Variants in PNPT1 observed in about 807,000 individuals in gnomAD.
The protein encoded by PNPT1 is polyribonucleotide nucleotidyltransferase 1, mitochondrial.
A neutral mutation model predicts 119.5 loss-of-function variants in PNPT1; 53 were observed. That is an observed-to-expected ratio of 0.44 (90% CI 0.36 to 0.56). PNPT1 has a LOEUF of 0.56. PNPT1 is among the 20% of genes least tolerant of loss of function. The pLI, the probability that PNPT1 is intolerant of heterozygous loss-of-function variation, is 0.00. For missense variants in PNPT1, 948 were observed against 938.5 expected, an observed-to-expected ratio of 1.01 and a Z score of -0.13; for synonymous variants, 357 against 322.1, an observed-to-expected ratio of 1.11 and a Z score of -1.16.
At chr2:55,644,002 C>G (rs144462191) in intron 23 of PNPT1, among the ~76,000 whole-genome samples, 1 of 152,248 alleles carries the variant, frequency 6.6e-6, no homozygotes, top group East Asian at 1.9e-4. Context: ...TCAAATATAT[C>G]TATACAAATT....
intron 11 of PNPT1, among the ~76,000 whole-genome samples, chr2:55,670,066 T>G (rs1696861397): frequency 6.6e-6 from 1 of 150,420 alleles, no homozygotes; most frequent in African/African-American, 2.4e-5. Flanking sequence ...GCCAGTTTTT[T>G]ATCTTAAAAT....
intron 26 of PNPT1, among the ~76,000 whole-genome samples, chr2:55,639,988 A>C (rs1005421096): frequency 2.6e-5 from 4 of 152,222 alleles, no homozygotes; most frequent in Non-Finnish European, 4.4e-5. Context: ...AATTTATTAA[A>C]TAATCTTTAT....
chr2:55,667,097 T>A lies in PNPT1; in HGVS notation c.1074-4A>T, dbSNP rs146742085. The A allele has an allele frequency of 9.7e-4, 1,553 of 1,605,358 alleles. 5 individuals are homozygous for A. The African/African-American group carries it at 0.011, about 12-fold the overall frequency. Reference sequence around the variant, plus strand: ...AGTCAAATCCCGACCATCGCACCTATAGTGATATAGGAAATAAGTACATTA... The same window carrying A: ...AGTCAAATCCCGACCATCGCACCTAAAGTGATATAGGAAATAAGTACATTA... On this transcript the variant is annotated splice_region_variant and splice_polypyrimidine_tract_variant and intron_variant, in intron 12 of 27. Transcript: ENST00000447944.
intron 13 of PNPT1, among the ~76,000 whole-genome samples, chr2:55,665,451 G>A (rs2104102318): frequency 6.6e-6 from 1 of 152,072 alleles, no homozygotes; most frequent in African/African-American, 2.4e-5. Flanking sequence ...AAATAAAGAA[G>A]GAGACATATA....
intron 1 of PNPT1, among the ~76,000 whole-genome samples, chr2:55,689,561 A>G (rs933520471): frequency 2.6e-5 from 4 of 152,232 alleles, no homozygotes; most frequent in African/African-American, 7.2e-5. Context: ...ATGTCACAAC[A>G]TGGATAAACC....
In PNPT1 at chr2:55,640,608, A is replaced by G. The variant is rs772789040; in HGVS notation, c.2148+19T>C. On this transcript the variant is annotated intron_variant, in intron 26 of 27. Transcript: ENST00000447944. ...CAAGGCAGTTATAAAAATAATAACA[A>G]TAACATCTGTCTTTTTACCTTTCGT... 2 of 1,540,410 alleles carry G rather than the reference A, an allele frequency of 1.3e-6. No individual in the cohort carries two copies. The highest frequency in any genetic ancestry group is 2.2e-5 in the East Asian group (1 of 44,464).
At chr2:55,674,904 T>G (rs1697018694) in intron 8 of PNPT1, among the ~76,000 whole-genome samples, 1 of 152,224 alleles carries the variant, frequency 6.6e-6, no homozygotes, top group Non-Finnish European at 1.5e-5. Flanking sequence ...ACAGGATTAA[T>G]CCGGAGATTT....
chr2:55,637,449 A>G, intron 27 of PNPT1, 103 bp downstream of exon 27: 1 of 1,083,372 alleles, frequency 9.2e-7, no homozygotes, highest in Non-Finnish European at 1.4e-6. Flanking sequence ...ATACAAATAA[A>G]AAACTTCATA....
intron 25 of PNPT1, among the ~76,000 whole-genome samples, chr2:55,642,605 CAAAAAAAAAA>C (rs559417017): frequency 2.3e-5 from 1 of 44,224 alleles, no homozygotes; most frequent in Admixed American, 3.1e-4. Context: ...GACTCTGTCC[CAAAAAAAAAA>C]AAAAAAAAAA....
At chr2:55,677,738 T>G (rs1697122183) in intron 8 of PNPT1, among the ~76,000 whole-genome samples, 1 of 151,870 alleles carries the variant, frequency 6.6e-6, no homozygotes, top group South Asian at 2.1e-4. Flanking sequence ...CTTTTTTGTT[T>G]GTTTGCTTGT....
chr2:55,640,833 GA>G (rs1695812281), intron 25 of PNPT1, 128 bp from the exon 26 acceptor site: 4 of 614,312 alleles, frequency 6.5e-6, no homozygotes, highest in Non-Finnish European at 1.1e-5. Context: ...CACGTTTTTA[GA>G]ACTATAAAAA....
Position 55,677,014 on chromosome 2 carries a change from G to A in PNPT1, c.679+2668C>T, listed in dbSNP as rs553838652. Among the ~76,000 whole-genome samples, 4 of 152,302 alleles carry A rather than the reference G, an allele frequency of 2.6e-5. No individual in the cohort carries two copies. In the East Asian group the frequency reaches 7.7e-4, roughly 29 times the overall value. ...TGTTAACTTTAACAGGTAAACAAGG[G>A]GTTAAAATGCATATTTGATGCATCT... On this transcript the variant is annotated intron_variant, in intron 8 of 27. Coordinates refer to ENST00000447944, the MANE Select transcript of PNPT1 (RefSeq NM_033109.5).
intron 21 of PNPT1, 30 bp from the exon 22 acceptor site, chr2:55,645,462 T>G (rs1319288589): frequency 4.3e-6 from 6 of 1,390,740 alleles, no homozygotes; most frequent in South Asian, 1.2e-5. Flanking sequence ...AAATTATAAC[T>G]ACATAAAACA....
intron 1 of PNPT1, among the ~76,000 whole-genome samples, chr2:55,692,715 G>A (rs1697655326): frequency 6.6e-6 from 1 of 152,124 alleles, no homozygotes; most frequent in Non-Finnish European, 1.5e-5. Context: ...AGATTGCGAG[G>A]ATCATATAAC....
chr2:55,660,008 G>T, intron 15 of PNPT1, 149 bp downstream of exon 15: 3 of 643,876 alleles, frequency 4.7e-6, no homozygotes, highest in South Asian at 3.8e-5. Context: ...GGAGGCTGAG[G>T]CGGGAGGATG....
chr2:55,676,465 A>G (rs1697075698), intron 8 of PNPT1, among the ~76,000 whole-genome samples: 1 of 152,178 alleles, frequency 6.6e-6, no homozygotes, highest in Non-Finnish European at 1.5e-5. Flanking sequence ...ACCAGTTGAA[A>G]ACAAACATCT....
intron 15 of PNPT1, among the ~76,000 whole-genome samples, chr2:55,658,443 G>A (rs1400452408): frequency 1.3e-5 from 2 of 152,122 alleles, no homozygotes; most frequent in African/African-American, 4.8e-5. Context: ...TAAATTTCCT[G>A]ACTTGGGTGG....
chr2:55,670,621 G>T (rs977142060), intron 11 of PNPT1, among the ~76,000 whole-genome samples: 11 of 152,152 alleles, frequency 7.2e-5, no homozygotes, highest in Non-Finnish European at 1.3e-4. Context: ...TTACGGTGTG[G>T]CAGGCACAGA....
At chr2:55,668,362 G>C (rs561753221) in intron 11 of PNPT1, among the ~76,000 whole-genome samples, 3 of 149,520 alleles carry the variant, frequency 2.0e-5, no homozygotes, top group East Asian at 4.1e-4. Flanking sequence ...TTAGCATTCT[G>C]AGTAGCTGGG....
Sources: gnomAD v4.1 joint callset for allele counts (sites outside exome capture counted in the v4.1 genomes callset) on GRCh38, gnomAD v4.1.1 for gene constraint, MANE v1.5 for transcripts, NCBI Gene and HGNC (gene_info 2026-07-23, HGNC 2026-07-21) for gene names.